Variants in AKT3 observed in about 807,000 individuals in gnomAD.
AKT3 encodes RAC-gamma serine/threonine-protein kinase.
In AKT3, 15 loss-of-function variants were observed where a neutral mutation model predicts 65.3. That is an observed-to-expected ratio of 0.23 (90% confidence interval 0.15 to 0.35). The LOEUF (loss-of-function observed/expected upper bound fraction) is 0.35, where lower values mean the gene tolerates loss of function less well. Ranked by LOEUF, AKT3 falls within the 10% of genes least tolerant of loss-of-function variation. AKT3 has a pLI of 1.00. For missense variants in AKT3, 243 were observed against 576.5 expected, an observed-to-expected ratio of 0.42 and a Z score of 5.92; for synonymous variants, 206 against 183.8, an observed-to-expected ratio of 1.12 and a Z score of -0.98.
intron 3 of AKT3, among the ~76,000 whole-genome samples, chr1:243,665,628 AAATT>A (rs1682714253): frequency 6.6e-6 from 1 of 152,216 alleles, no homozygotes; most frequent in East Asian, 1.9e-4. Context: ...AAACTTGGAC[AAATT>A]AATTAAACTC....
At chr1:243,657,625 G>A (rs559426664) in intron 4 of AKT3, among the ~76,000 whole-genome samples, 35 of 151,688 alleles carry the variant, frequency 2.3e-4, no homozygotes, top group East Asian at 1.7e-3. Flanking sequence ...GCATTTTTGC[G>A]GAAACAGAAA....
intron 13 of AKT3, 47 bp downstream of exon 13, chr1:243,512,277 G>A: frequency 9.4e-7 from 1 of 1,062,176 alleles, no homozygotes. Context: ...ATTACATTAG[G>A]AGAAATTATA....
In AKT3 at chr1:243,499,750, T is replaced by G; in HGVS notation, c.*5499A>C. On this transcript the variant is annotated 3_prime_UTR_variant, in exon 14 of 14. Transcript: ENST00000673466. Reference sequence around the variant, plus strand: ...ATTGAAACTTACTTTTTATTATTTTTTCCAGTTACCCAGCATGCCACAATC... The same window carrying G: ...ATTGAAACTTACTTTTTATTATTTTGTCCAGTTACCCAGCATGCCACAATC... 6.2e-7 allele frequency: 1 copy of G among 1,610,042 alleles called. No homozygotes were observed. Among genetic ancestry groups the G allele is most frequent in the Non-Finnish European group, 8.5e-7 (1 of 1,176,438 alleles).
chr1:243,777,229 A>G (rs560816425), intron 2 of AKT3, among the ~76,000 whole-genome samples: 1 of 152,292 alleles, frequency 6.6e-6, no homozygotes, highest in African/African-American at 2.4e-5. Flanking sequence ...TCTCATAAGG[A>G]GAGTGCAACC....
chr1:243,850,413 G>A (rs906913993), upstream of AKT3, among the ~76,000 whole-genome samples: 2 of 151,134 alleles, frequency 1.3e-5, no homozygotes, highest in Non-Finnish European at 3.0e-5. Flanking sequence ...TTCATCACCA[G>A]AAAACACCGC....
intron 4 of AKT3, among the ~76,000 whole-genome samples, chr1:243,649,581 AG>A (rs1681142521): frequency 6.6e-6 from 1 of 151,834 alleles, no homozygotes. Context: ...ACTCCCTGAC[AG>A]GCCCCAGTAT....
chr1:243,660,089 G>A (rs1392223906), intron 4 of AKT3, among the ~76,000 whole-genome samples: 1 of 151,778 alleles, frequency 6.6e-6, no homozygotes, highest in Non-Finnish European at 1.5e-5. Context: ...GGTAGAATTC[G>A]GCTGTGAATC....
intron 12 of AKT3, among the ~76,000 whole-genome samples, chr1:243,533,283 C>T (rs1671669292): frequency 1.3e-5 from 2 of 152,168 alleles, no homozygotes; most frequent in Admixed American, 1.3e-4. Context: ...ACTGATAGAA[C>T]TATAAACAGA....
chr1:243,767,792 T>A (rs1369683996), intron 2 of AKT3, among the ~76,000 whole-genome samples: 2 of 152,274 alleles, frequency 1.3e-5, no homozygotes, highest in East Asian at 1.9e-4. Flanking sequence ...CTGATTATAC[T>A]TGCCTCTACT....
chr1:243,596,380 G>C (rs1165436318), intron 8 of AKT3, among the ~76,000 whole-genome samples: 1 of 152,104 alleles, frequency 6.6e-6, no homozygotes, highest in African/African-American at 2.4e-5. Flanking sequence ...AACATCCAAA[G>C]AACTCCTATA....
Position 243,812,485 on chromosome 1 carries a change from A to C in AKT3, c.46+30640T>G, listed in dbSNP as rs201621478. On this transcript the variant is annotated intron_variant, in intron 2 of 13. Transcript: ENST00000673466. ...AAATCACAATGTGATACCATCTCAC[A>C]CCAGTTAGAATGGCGATCATTAAAA... Among the ~76,000 whole-genome samples, 185 of 152,348 alleles carry C rather than the reference A, an allele frequency of 1.2e-3. 2 individuals are homozygous for C. The East Asian group carries it at 0.032, about 27-fold the overall frequency.
chr1:243,832,629 A>G (rs959544542), intron 2 of AKT3, among the ~76,000 whole-genome samples: 4 of 152,218 alleles, frequency 2.6e-5, no homozygotes, highest in Non-Finnish European at 5.9e-5. Context: ...TGAGATTCGC[A>G]CTGATGTGGC....
intron 4 of AKT3, among the ~76,000 whole-genome samples, chr1:243,662,878 A>G (rs1343795099): frequency 6.6e-6 from 1 of 152,210 alleles, no homozygotes; most frequent in Non-Finnish European, 1.5e-5. Context: ...ATGCAAATGA[A>G]AACTGATTGT....
chr1:243,489,167 G>T, intron 13 of AKT3: 1 of 1,609,072 alleles, frequency 6.2e-7, no homozygotes, highest in East Asian at 2.2e-5. Flanking sequence ...GGCGCAGGTG[G>T]GAGTCCTTGG....
At chr1:243,712,793 T>C (rs967461361) in intron 2 of AKT3, among the ~76,000 whole-genome samples, 7 of 152,166 alleles carry the variant, frequency 4.6e-5, no homozygotes, top group African/African-American at 1.7e-4. Flanking sequence ...CTCACTTCCA[T>C]CTAAATATAA....
chr1:243,590,660 T>C (rs1676162226), intron 8 of AKT3, among the ~76,000 whole-genome samples: 1 of 151,986 alleles, frequency 6.6e-6, no homozygotes, highest in African/African-American at 2.4e-5. Flanking sequence ...AAATAAAAAA[T>C]TCACTAGATG....
At chr1:243,703,774 A>G (rs915212198) in intron 2 of AKT3, among the ~76,000 whole-genome samples, 4 of 146,128 alleles carry the variant, frequency 2.7e-5, no homozygotes, top group South Asian at 2.4e-4. Context: ...AAAAAAAAAA[A>G]AAAAGAAAAA....
At chr1:243,535,123 T>C (rs927264478) in intron 12 of AKT3, among the ~76,000 whole-genome samples, 2 of 128,024 alleles carry the variant, frequency 1.6e-5, no homozygotes, top group South Asian at 2.5e-4. Context: ...CTTGCATAAA[T>C]TTTAAAATAT....
chr1:243,719,398 C>G (rs1168769322), intron 2 of AKT3, among the ~76,000 whole-genome samples: 3 of 152,334 alleles, frequency 2.0e-5, no homozygotes, highest in Middle Eastern at 3.4e-3. Flanking sequence ...CACACCAAGT[C>G]TTCCTCCAAC....
Sources: gnomAD v4.1 joint callset for allele counts (sites outside exome capture counted in the v4.1 genomes callset) on GRCh38, gnomAD v4.1.1 for gene constraint, MANE v1.5 for transcripts, NCBI Gene and HGNC (gene_info 2026-07-23, HGNC 2026-07-21) for gene names.